ZNHIT6: variants seen among roughly 807,000 people sequenced by gnomAD.
ZNHIT6 encodes zinc finger HIT-type containing 6.
In ZNHIT6, 45 loss-of-function variants were observed where a neutral mutation model predicts 57.2. The ratio of observed to expected loss-of-function variants is 0.79; its 90% CI spans 0.62 to 1.01. The LOEUF (loss-of-function observed/expected upper bound fraction) is 1.01, where lower values mean the gene tolerates loss of function less well. ZNHIT6 is among the 50% of genes least tolerant of loss of function. The probability of loss-of-function intolerance (pLI) is 0.00; values close to 1 mark genes in which losing one functional copy is unlikely to be tolerated. For missense variants in ZNHIT6, 528 were observed against 567.3 expected, an observed-to-expected ratio of 0.93 and a Z score of 0.70; for synonymous variants, 188 against 190.0, an observed-to-expected ratio of 0.99 and a Z score of 0.09.
chr1:85,704,264 T>G (rs549572708), intron 4 of ZNHIT6, among the ~76,000 whole-genome samples: 2 of 152,274 alleles, frequency 1.3e-5, no homozygotes, highest in African/African-American at 4.8e-5. Context: ...GCAATTCTAT[T>G]CCCAGGTATA....
At position 85,708,238 on chromosome 1, in the gene ZNHIT6, T is replaced by C; in HGVS notation, c.47A>G (p.His16Arg). 1.2e-6 allele frequency: 2 copies of C among 1,611,148 alleles called. No individual in the cohort carries two copies. The highest frequency in any genetic ancestry group is 1.7e-6 in the Non-Finnish European group (2 of 1,177,746). ...TAGCCGCACCCCCTCAGCTACGCTG[T>C]GGAGACCTCCCCCAGACTTCCCTTC... is the stretch of plus-strand genomic sequence containing the variant. ...ENEGKSGGGL[H>R]SVAEGVRLSP... The change falls in exon 1 of 10, where the codon CAC becomes CGC. Residue 16 changes from histidine to arginine, a missense_variant. Transcript: ENST00000370574.
chr1:85,661,974 C>T (rs821388), intron 8 of ZNHIT6, among the ~76,000 whole-genome samples: 5 of 151,968 alleles, frequency 3.3e-5, no homozygotes, highest in African/African-American at 1.2e-4. Context: ...GCCTCATGGG[C>T]GCATTATGAG....
chr1:85,706,553 A>T (rs563009594), intron 1 of ZNHIT6, 46 bp from the exon 2 acceptor site: 3 of 1,437,574 alleles, frequency 2.1e-6, no homozygotes, highest in Non-Finnish European at 2.8e-6. Context: ...TATTAATTGT[A>T]TTTATTTATA....
intron 8 of ZNHIT6, among the ~76,000 whole-genome samples, chr1:85,660,716 C>T (rs142399111): frequency 1.1e-4 from 17 of 151,866 alleles, no homozygotes; most frequent in Admixed American, 2.6e-4. Context: ...ATTACACTTA[C>T]TTGGATCCTG....
chr1:85,701,981 C>T (rs570669947), intron 5 of ZNHIT6, among the ~76,000 whole-genome samples, 176 bp downstream of exon 5: 1 of 151,798 alleles, frequency 6.6e-6, no homozygotes, highest in Admixed American at 6.6e-5. Context: ...CACTGCAAAC[C>T]CAAATTTTTA....
Position 85,654,086 on chromosome 1 carries a change from G to A in ZNHIT6, c.1385C>T (p.Ser462Phe). ...ATTTTCATTGCCAACGTTCTTGGTA[G>A]ATTCACTCTTCACTAGAAAAAAATA... ...MKVLHQVKSE[S>F]TKNVGNEN Residue 462 changes from serine to phenylalanine, a missense_variant, in exon 10 of 10, where the codon TCT (serine) becomes TTT (phenylalanine). Physicochemically the swap from Ser to Phe is radical, Grantham distance 155. Transcript: ENST00000370574. 1 of 1,611,726 alleles carries A rather than the reference G, an allele frequency of 6.2e-7. No homozygotes were observed.
intron 8 of ZNHIT6, among the ~76,000 whole-genome samples, chr1:85,658,884 A>T (rs940513887): frequency 7.2e-5 from 11 of 152,096 alleles, no homozygotes; most frequent in Admixed American, 6.5e-4. Flanking sequence ...AAAAATAAAA[A>T]AATAAAATAA....
intron 5 of ZNHIT6, among the ~76,000 whole-genome samples, chr1:85,699,986 A>G (rs561679367): frequency 2.0e-5 from 3 of 152,178 alleles, no homozygotes; most frequent in Non-Finnish European, 4.4e-5. Flanking sequence ...TTCATAAAAA[A>G]TTAATGTTTA....
chr1:85,683,826 A>C (rs566132924), intron 5 of ZNHIT6, among the ~76,000 whole-genome samples: 36 of 152,176 alleles, frequency 2.4e-4, no homozygotes, highest in Admixed American at 1.2e-3. Context: ...GATATTTTGG[A>C]CTAGATAATT....
At chr1:85,679,401 G>C (rs1237416513) in intron 6 of ZNHIT6, among the ~76,000 whole-genome samples, 1 of 151,840 alleles carries the variant, frequency 6.6e-6, no homozygotes, top group Non-Finnish European at 1.5e-5. Context: ...TCTTTTCCTT[G>C]TATGCAACTC....
In ZNHIT6 at chr1:85,676,332, G is replaced by GT. The variant is rs1661702555; in HGVS notation, c.1247+903dup. 3.2e-5 allele frequency among the ~76,000 whole-genome samples: 4 copies of GT among 124,070 alleles called. No homozygotes were observed. The South Asian group carries it at 1.1e-3, about 34-fold the overall frequency. 81.4% of individuals were successfully genotyped at this position (124,070 alleles called of 152,430 possible). A position where few individuals can be genotyped will look rare whatever the true frequency, so the allele number is the denominator to read the frequency against. Reference sequence around the variant, plus strand: ...GCTTGGACAACAAGAGTGAAACTCCGTCTCAAAAAAAAAAAAAAAAAAAAG... The same window carrying GT: ...GCTTGGACAACAAGAGTGAAACTCCGTTCTCAAAAAAAAAAAAAAAAAAAAG... On this transcript the variant is annotated intron_variant, in intron 8 of 9. Coordinates refer to ENST00000370574, the MANE Select transcript of ZNHIT6 (RefSeq NM_017953.4).
chr1:85,672,493 G>C (rs1661585146), intron 8 of ZNHIT6, among the ~76,000 whole-genome samples: 1 of 151,976 alleles, frequency 6.6e-6, no homozygotes. Flanking sequence ...CACTTCTTAA[G>C]GCCCTCTGTA....
At chr1:85,695,492 T>C (rs527987610) in intron 5 of ZNHIT6, among the ~76,000 whole-genome samples, 4 of 152,248 alleles carry the variant, frequency 2.6e-5, no homozygotes, top group Admixed American at 2.6e-4. Context: ...GCCACAAAAC[T>C]AGTAAACATC....
intron 8 of ZNHIT6, among the ~76,000 whole-genome samples, chr1:85,676,820 T>C (rs1661717833): frequency 1.3e-5 from 2 of 152,186 alleles, no homozygotes; most frequent in Non-Finnish European, 2.9e-5. Context: ...GTTTGAAATA[T>C]TGCAAGAAAT....
chr1:85,676,954 A>G (rs1661721088), intron 8 of ZNHIT6, among the ~76,000 whole-genome samples: 1 of 152,366 alleles, frequency 6.6e-6, no homozygotes, highest in African/African-American at 2.4e-5. Flanking sequence ...TGTAAAGCTC[A>G]GTGAAGTAAA....
chr1:85,707,455 T>C (rs767114763), intron 1 of ZNHIT6, among the ~76,000 whole-genome samples, 174 bp downstream of exon 1: 133 of 152,158 alleles, frequency 8.7e-4, no homozygotes, highest in Non-Finnish European at 1.7e-3. Context: ...TGTGTTGTCA[T>C]GTACAACACC....
At chr1:85,683,501 C>T (rs559803642) in intron 5 of ZNHIT6, among the ~76,000 whole-genome samples, 23 of 148,044 alleles carry the variant, frequency 1.6e-4, no homozygotes, top group East Asian at 1.2e-3. Flanking sequence ...CCAGCCTGGG[C>T]GACAGAGCAA....
In ZNHIT6 at chr1:85,681,303, T is replaced by C. The variant is rs570768560; in HGVS notation, c.1020-399A>G. On this transcript the variant is annotated intron_variant, in intron 5 of 9. Coordinates refer to ENST00000370574, the MANE Select transcript of ZNHIT6 (RefSeq NM_017953.4). The stretch of plus-strand genomic sequence containing the variant: ...TGGCTGGAGATACACTTCTGAGGCA[T>C]GAGTACGTGCATTCAGTAGCAAAAC... Among the ~76,000 whole-genome samples the C allele has an allele frequency of 2.7e-4, 41 of 152,342 alleles. 1 individual carries two copies. The highest frequency in any genetic ancestry group is 2.4e-3 in the Admixed American group (37 of 15,304).
chr1:85,676,357 G>GACTGTTTTA (rs1661704738), intron 8 of ZNHIT6, among the ~76,000 whole-genome samples: 1 of 141,566 alleles, frequency 7.1e-6, no homozygotes, highest in South Asian at 2.3e-4. Flanking sequence ...AAAAAAAAAA[G>GACTGTTTTA]ACTGTTTTAC....
Sources: allele counts gnomAD v4.1 joint callset (sites outside exome capture counted in the v4.1 genomes callset), GRCh38; gene constraint gnomAD v4.1.1; transcripts MANE v1.5; gene names NCBI Gene and HGNC (gene_info 2026-07-23, HGNC 2026-07-21).